EIF3B: variants seen among roughly 807,000 people sequenced by gnomAD.
EIF3B encodes eukaryotic translation initiation factor 3 subunit 9.
Under a neutral mutation model 104.6 loss-of-function variants are expected in EIF3B, and 10 were observed. The ratio of observed to expected loss-of-function variants is 0.10; its 90% CI spans 0.06 to 0.16. The LOEUF is 0.16. EIF3B is among the 10% of genes least tolerant of loss of function. The pLI is 1.00. For missense variants in EIF3B, 1,014 were observed against 1,087.9 expected, an observed-to-expected ratio of 0.93 and a Z score of 0.96; for synonymous variants, 542 against 417.2, an observed-to-expected ratio of 1.30 and a Z score of -3.65.
At position 2,360,011 on chromosome 7, in the gene EIF3B, C is replaced by T. The variant is rs148941775; in HGVS notation, c.500-699C>T. On this transcript the variant is annotated intron_variant, in intron 1 of 18. Coordinates refer to ENST00000360876, the MANE Select transcript of EIF3B (RefSeq NM_001037283.2). ...CTGAACGAAGGTGCGTGGTGGTGGG[C>T]TCTGCAGCGGAGAGAGGTGGGGAAG... is the stretch of plus-strand genomic sequence containing the variant. 6.6e-3 allele frequency among the ~76,000 whole-genome samples: 1,009 copies of T among 152,222 alleles called. 10 individuals carry two copies. Among genetic ancestry groups the T allele is most frequent in the African/African-American group, 0.023 (968 of 41,530 alleles).
chr7:2,375,525 A>G lies in EIF3B; in HGVS notation c.2026A>G (p.Lys676Glu), dbSNP rs1361173055. The G allele has an allele frequency of 6.2e-7, 1 of 1,614,154 alleles. No homozygotes were observed. The highest frequency in any genetic ancestry group is 8.5e-7 in the Non-Finnish European group (1 of 1,180,038). ...CACCTCTGTGTCCTGGTGGAGCCAT[A>G]AGGTGCAGGCCTGTGGGGCATAGTT... ...VVTSVSWWSHKVDNAYWLWTF... is the reference protein window; with the variant it reads ...VVTSVSWWSHEVDNAYWLWTF... Residue 676 changes from lysine to glutamate, a missense_variant and splice_region_variant, in exon 14 of 19, where the codon AAG (lysine) becomes GAG (glutamate). By Grantham distance (56) the Lys-to-Glu change is moderately conservative (BLOSUM62 1). Transcript: ENST00000360876.
chr7:2,370,168 T>A (rs1164324648), intron 10 of EIF3B, among the ~76,000 whole-genome samples: 1 of 152,324 alleles, frequency 6.6e-6, no homozygotes, highest in East Asian at 1.9e-4. Context: ...CATTTAATAT[T>A]TATTTTATCA....
intron 10 of EIF3B, among the ~76,000 whole-genome samples, chr7:2,370,995 G>C (rs536589124): frequency 6.6e-6 from 1 of 152,020 alleles, no homozygotes; most frequent in South Asian, 2.1e-4. Context: ...CCCGGGAGGC[G>C]GAGCTTGCAG....
At chr7:2,377,276 C>T (rs968985229) in intron 15 of EIF3B, among the ~76,000 whole-genome samples, 1 of 152,206 alleles carries the variant, frequency 6.6e-6, no homozygotes, top group African/African-American at 2.4e-5. Flanking sequence ...AGGCTTTCAG[C>T]TTCTTTAGGG....
chr7:2,370,971 G>T (rs1780302503), intron 10 of EIF3B, among the ~76,000 whole-genome samples: 1 of 152,154 alleles, frequency 6.6e-6, no homozygotes, highest in Non-Finnish European at 1.5e-5. Flanking sequence ...GCTGAGGCAG[G>T]AGAATGGCGT....
rs113590466 is a variant in EIF3B at position 2,371,007 on chromosome 7, G to A, written c.1615-770G>A. Among the ~76,000 whole-genome samples, 384 of 152,224 alleles carry A rather than the reference G, an allele frequency of 2.5e-3. 2 individuals are homozygous for A. The highest frequency in any genetic ancestry group is 4.5e-3 in the Non-Finnish European group (309 of 68,004). On this transcript the variant is annotated intron_variant, in intron 10 of 18. Coordinates refer to ENST00000360876, the MANE Select transcript of EIF3B (RefSeq NM_001037283.2). ...GAACCCGGGAGGCGGAGCTTGCAGT[G>A]AGCCGAGATTGCACCACTGCACTCC...
intron 10 of EIF3B, among the ~76,000 whole-genome samples, chr7:2,370,680 C>T (rs954494514): frequency 2.6e-5 from 4 of 151,992 alleles, no homozygotes; most frequent in Non-Finnish European, 4.4e-5. Context: ...CGGCTGGGTG[C>T]GGTGGCTCCC....
At chr7:2,370,946 C>G (rs566919400) in intron 10 of EIF3B, among the ~76,000 whole-genome samples, 2 of 152,194 alleles carry the variant, frequency 1.3e-5, no homozygotes, top group South Asian at 2.1e-4. Flanking sequence ...GCCTGTAGTC[C>G]CAGCTACTCG....
chr7:2,363,745 A>C lies in EIF3B; in HGVS notation c.984A>C (p.Ser328=). Residue 328 remains serine (S), a synonymous_variant, in exon 5 of 19, where the codon TCA becomes TCC. Transcript: ENST00000360876. ...IFWNDVKDPV[S]IEERARWTET... The stretch of plus-strand genomic sequence containing the variant: ...GGAATGACGTAAAAGACCCTGTCTC[A>C]ATTGAAGAAAGAGCGGTGTGTATTT... The C allele has an allele frequency of 6.2e-7, 1 of 1,613,902 alleles. No homozygotes were observed. The highest frequency in any genetic ancestry group is 1.3e-5 in the African/African-American group (1 of 75,040).
intron 2 of EIF3B, among the ~76,000 whole-genome samples, chr7:2,362,138 T>G (rs1430398053): frequency 6.6e-6 from 1 of 152,058 alleles, no homozygotes; most frequent in Non-Finnish European, 1.5e-5. Context: ...TTTTGTATAT[T>G]TAGCAGAGAC....
intron 18 of EIF3B, 65 bp downstream of exon 18, chr7:2,379,576 G>T: frequency 2.9e-6 from 3 of 1,035,724 alleles, no homozygotes; most frequent in Non-Finnish European, 4.4e-6. Context: ...AGTTATCCCC[G>T]TCACTGAGGA....
At chr7:2,364,718 A>G (rs1056207313) in intron 6 of EIF3B, among the ~76,000 whole-genome samples, 189 bp downstream of exon 6, 8 of 152,012 alleles carry the variant, frequency 5.3e-5, no homozygotes, top group African/African-American at 1.9e-4. Context: ...CTATACAGAT[A>G]TTTTTTCCTG....
At chr7:2,357,610 A>G (rs954417387) in intron 1 of EIF3B, among the ~76,000 whole-genome samples, 33 of 152,142 alleles carry the variant, frequency 2.2e-4, no homozygotes, top group Admixed American at 1.8e-3. Flanking sequence ...TTAACTCTAA[A>G]TGTCTTTTTT....
At chr7:2,367,421 T>C (rs1780084588) in intron 9 of EIF3B, among the ~76,000 whole-genome samples, 1 of 148,496 alleles carries the variant, frequency 6.7e-6, no homozygotes, top group East Asian at 2.1e-4. Flanking sequence ...GACACAGACG[T>C]GGTCCATTGC....
At chr7:2,364,124 T>A (rs1027032321) in intron 5 of EIF3B, among the ~76,000 whole-genome samples, 3 of 152,162 alleles carry the variant, frequency 2.0e-5, no homozygotes, top group Non-Finnish European at 4.4e-5. Flanking sequence ...TAGCTGGGCA[T>A]GGTGGCAGGC....
In EIF3B at chr7:2,375,632, CCT is replaced by C. The variant is rs200684025; in HGVS notation, c.2028+108_2028+109del. 1.3e-3 allele frequency: 1,921 copies of C among 1,521,454 alleles called. 24 individuals are homozygous for C. In the African/African-American group the frequency reaches 0.023, roughly 18 times the overall value. 94.2% of individuals were successfully genotyped at this position (1,521,454 alleles called of 1,614,324 possible). On this transcript the variant is annotated intron_variant, in intron 14 of 18. Transcript: ENST00000360876. ...GGGACCTCAGGGAAGGGGCACCAAG[CCT>C]CTGTGTTGAACAGAAGCCTTGGCTG...
At chr7:2,363,334 C>CT (rs1185273917) in intron 4 of EIF3B, among the ~76,000 whole-genome samples, 2 of 152,026 alleles carry the variant, frequency 1.3e-5, no homozygotes, top group African/African-American at 4.8e-5. Flanking sequence ...TGGCATGCAC[C>CT]TGTATTCCCA....
At position 2,378,786 on chromosome 7, in the gene EIF3B, T is replaced by C. The variant is rs1780829726; in HGVS notation, c.2232+20T>C. The C allele has an allele frequency of 1.9e-6, 3 of 1,606,890 alleles. No individual in the cohort carries two copies. Among genetic ancestry groups the C allele is most frequent in the Non-Finnish European group, 2.6e-6 (3 of 1,174,214 alleles). ...TCAAAGGTGAGCCTCATTCCCAAAA[T>C]GAGGGCTGTGCTGTGACATCCGCCA... On this transcript the variant is annotated intron_variant, in intron 16 of 18. Coordinates refer to ENST00000360876, the MANE Select transcript of EIF3B (RefSeq NM_001037283.2).
chr7:2,355,702 G>C (rs888812849), intron 1 of EIF3B, among the ~76,000 whole-genome samples: 1 of 152,178 alleles, frequency 6.6e-6, no homozygotes, highest in Non-Finnish European at 1.5e-5. Context: ...GGGTGGGAGA[G>C]GGCACATGGG....
Sources: allele counts gnomAD v4.1 joint callset (sites outside exome capture counted in the v4.1 genomes callset), GRCh38; gene constraint gnomAD v4.1.1; transcripts MANE v1.5; gene names NCBI Gene and HGNC (gene_info 2026-07-23, HGNC 2026-07-21).